POLR2B: variants seen among roughly 807,000 people sequenced by gnomAD.
The protein encoded by POLR2B is DNA-directed RNA polymerase II subunit RPB2.
POLR2B carries 57 observed loss-of-function variants against 144.6 expected under a neutral mutation model. The ratio of observed to expected loss-of-function variants is 0.39; its 90% CI spans 0.32 to 0.49. The LOEUF (loss-of-function observed/expected upper bound fraction) is 0.49, where lower values mean the gene tolerates loss of function less well. POLR2B is among the 20% of genes least tolerant of loss of function. The pLI, the probability that POLR2B is intolerant of heterozygous loss-of-function variation, is 0.83. For missense variants in POLR2B, 595 were observed against 1,467.4 expected, an observed-to-expected ratio of 0.41 and a Z score of 9.71; for synonymous variants, 442 against 469.8, an observed-to-expected ratio of 0.94 and a Z score of 0.77.
chr4:57,028,334 G>T (rs565841542), intron 23 of POLR2B, among the ~76,000 whole-genome samples: 1 of 152,088 alleles, frequency 6.6e-6, no homozygotes, highest in African/African-American at 2.4e-5. Flanking sequence ...GGGTCTTACT[G>T]TGTTGCTCTG....
chr4:56,980,066 G>GA (rs1722108315), intron 1 of POLR2B, among the ~76,000 whole-genome samples: 1 of 150,436 alleles, frequency 6.6e-6, no homozygotes, highest in Non-Finnish European at 1.5e-5. Flanking sequence ...AAATCAGATG[G>GA]AAAAAATTGA....
chr4:56,986,768 T>C (rs1228322355), intron 2 of POLR2B: 7 of 169,818 alleles, frequency 4.1e-5, no homozygotes, highest in Non-Finnish European at 8.7e-5. Context: ...CACTCCAGTC[T>C]TGGTGATAGA....
chr4:57,007,022 C>A lies in POLR2B; in HGVS notation c.1404+20C>A, dbSNP rs1256128020. ...TCTCAGGTAAGTGTGCCAACTATGA[C>A]TACAGGCTCAATAGGAAACATGTTT... On this transcript the variant is annotated intron_variant, in intron 10 of 24. Coordinates refer to ENST00000314595, the MANE Select transcript of POLR2B (RefSeq NM_000938.3). 4.5e-6 allele frequency: 7 copies of A among 1,542,068 alleles called. No individual in the cohort carries two copies. The highest frequency in any genetic ancestry group is 3.6e-6 in the Non-Finnish European group (4 of 1,120,984).
Position 56,988,889 on chromosome 4 carries a change from C to G in POLR2B, c.93-1859C>G, listed in dbSNP as rs1039226856. ...ATCTTAGGTGAAAAGAAGTTGTTTT[C>G]AACATATGTGGTAGATTGCTCAAGG... On this transcript the variant is annotated intron_variant, in intron 2 of 24. Coordinates refer to ENST00000314595, the MANE Select transcript of POLR2B (RefSeq NM_000938.3). Among the ~76,000 whole-genome samples, 3 of 152,228 alleles carry G rather than the reference C, an allele frequency of 2.0e-5. No homozygotes were observed. In the East Asian group the frequency reaches 5.8e-4, roughly 29 times the overall value.
At chr4:56,996,677 C>T (rs770452645) in intron 6 of POLR2B, among the ~76,000 whole-genome samples, 1 of 152,086 alleles carries the variant, frequency 6.6e-6, no homozygotes, top group Non-Finnish European at 1.5e-5. Flanking sequence ...GGGTACTTAG[C>T]ATACCTGTCA....
chr4:57,000,223 T>G (rs1419335480), intron 7 of POLR2B, among the ~76,000 whole-genome samples: 1 of 152,102 alleles, frequency 6.6e-6, no homozygotes, highest in Non-Finnish European at 1.5e-5. Context: ...ATCACTTGAG[T>G]CCACAAGACC....
At chr4:57,008,124 A>T (rs1723078451) in intron 10 of POLR2B, among the ~76,000 whole-genome samples, 1 of 152,142 alleles carries the variant, frequency 6.6e-6, no homozygotes, top group African/African-American at 2.4e-5. Context: ...AGCAGAGGAA[A>T]CAGATTCATT....
intron 6 of POLR2B, 132 bp downstream of exon 6, chr4:56,995,541 C>T (rs1229750415): frequency 1.5e-5 from 8 of 532,530 alleles, no homozygotes; most frequent in East Asian, 1.2e-4. Context: ...GTTTACCTAT[C>T]GCTGTGTAAC....
Position 57,031,115 on chromosome 4 carries a change from A to G in POLR2B, c.*127A>G. The stretch of plus-strand genomic sequence containing the variant: ...GTATTTTATTTGTTTAATGATATGC[A>G]TGCTTTTCTTCTGTAAATATATAAT... On this transcript the variant is annotated 3_prime_UTR_variant, in exon 25 of 25. Transcript: ENST00000314595. 1 of 723,754 alleles carries G rather than the reference A, an allele frequency of 1.4e-6. No homozygotes were observed. The highest frequency in any genetic ancestry group is 2.4e-6 in the Non-Finnish European group (1 of 417,490). The allele number at this position is 723,754 out of a possible 1,614,324, so 44.8% of individuals were successfully genotyped here. A position where few individuals can be genotyped will look rare whatever the true frequency, so the allele number is the denominator to read the frequency against.
chr4:57,011,209 T>C, intron 13 of POLR2B, 109 bp downstream of exon 13: 1 of 737,100 alleles, frequency 1.4e-6, no homozygotes, highest in Non-Finnish European at 2.4e-6. Context: ...TTTATTCCCT[T>C]GAACTGTAAA....
intron 6 of POLR2B, among the ~76,000 whole-genome samples, chr4:56,999,115 C>T (rs1283678860): frequency 6.6e-6 from 1 of 151,952 alleles, no homozygotes; most frequent in Admixed American, 6.6e-5. Flanking sequence ...TTTTGAAACA[C>T]TGAGACAAGG....
intron 16 of POLR2B, 73 bp from the exon 17 acceptor site, chr4:57,020,826 G>A: frequency 2.4e-6 from 2 of 838,634 alleles, no homozygotes; most frequent in Non-Finnish European, 4.2e-6. Flanking sequence ...TGTAATTAAA[G>A]TTGATTTAAA....
chr4:56,979,389 C>T (rs1231384381), intron 1 of POLR2B, among the ~76,000 whole-genome samples: 5 of 138,706 alleles, frequency 3.6e-5, no homozygotes. Flanking sequence ...TGAGTGTCAG[C>T]CTGTGTCAGG....
In POLR2B at chr4:57,021,001, T is replaced by C; in HGVS notation, c.2420+6T>C. On this transcript the variant is annotated splice_donor_region_variant and intron_variant, in intron 17 of 24. Transcript: ENST00000314595. ...GTAGACCGCGGCTTCTTCAGGTTAG[T>C]ATTTTGTAAATTTGTCAAAACACAG... is the stretch of plus-strand genomic sequence containing the variant. 1 of 1,503,980 alleles carries C rather than the reference T, an allele frequency of 6.6e-7. No homozygotes were observed. The highest frequency in any genetic ancestry group is 9.3e-7 in the Non-Finnish European group (1 of 1,080,424). 93.2% of individuals were successfully genotyped at this position (1,503,980 alleles called of 1,614,324 possible). A position where few individuals can be genotyped will look rare whatever the true frequency, so the allele number is the denominator to read the frequency against.
intron 7 of POLR2B, among the ~76,000 whole-genome samples, 191 bp from the exon 8 acceptor site, chr4:57,005,055 G>T (rs1461908034): frequency 6.6e-6 from 1 of 152,112 alleles, no homozygotes; most frequent in Non-Finnish European, 1.5e-5. Flanking sequence ...CTGATGAGTG[G>T]TTTTTGTCAG....
In POLR2B at chr4:57,004,525, C is replaced by G. The variant is rs74691265; in HGVS notation, c.901-721C>G. Reference sequence around the variant, plus strand: ...AGGATTATAGGAGTAAGCCCCACCCCACGCAGGCCAAACATTTTTTAATAC... The same window carrying G: ...AGGATTATAGGAGTAAGCCCCACCCGACGCAGGCCAAACATTTTTTAATAC... On this transcript the variant is annotated intron_variant, in intron 7 of 24. Transcript: ENST00000314595. Among the ~76,000 whole-genome samples, 579 of 152,238 alleles carry G rather than the reference C, an allele frequency of 3.8e-3. 2 individuals are homozygous for G. Among genetic ancestry groups the G allele is most frequent in the African/African-American group, 0.013 (558 of 41,520 alleles).
chr4:56,995,323 T>C lies in POLR2B; in HGVS notation c.649T>C (p.Tyr217His). 6.2e-7 allele frequency: 1 copy of C among 1,612,314 alleles called. No homozygotes were observed. The highest frequency in any genetic ancestry group is 8.5e-7 in the Non-Finnish European group (1 of 1,178,384). ...TGCCAAAAAGGATTCTAAATATGCC[T>C]ACACAGGAGAGTGTAGATCATGTCT... Reference protein sequence around the residue: ...VFAKKDSKYAYTGECRSCLEN... With the variant: ...VFAKKDSKYAHTGECRSCLEN... The change falls in exon 6 of 25, where the codon TAC becomes CAC. Residue 217 changes from tyrosine to histidine, a missense_variant. Physicochemically the swap from Tyr to His is moderately conservative, Grantham distance 83 (BLOSUM62 2). Transcript: ENST00000314595.
chr4:56,991,737 A>G lies in POLR2B; in HGVS notation c.243+839A>G, dbSNP rs532217314. On this transcript the variant is annotated intron_variant, in intron 3 of 24. Coordinates refer to ENST00000314595, the MANE Select transcript of POLR2B (RefSeq NM_000938.3). ...TGGCTCTTCTAGGGCTGTGCTGGAA[A>G]GGGGGACATTAAGTTTCTTTTTTAT... Among the ~76,000 whole-genome samples, 32 of 152,304 alleles carry G rather than the reference A, an allele frequency of 2.1e-4. No individual in the cohort carries two copies. In the South Asian group the frequency reaches 3.1e-3, roughly 15 times the overall value.
chr4:57,017,971 A>G lies in POLR2B; in HGVS notation c.2323+243A>G, dbSNP rs912823623. On this transcript the variant is annotated intron_variant, in intron 16 of 24. Transcript: ENST00000314595. The surrounding 1 kb of genome is among the most constrained non-coding windows in gnomAD (Gnocchi z 4.8). ...TAATTCCTGTTGGAAGTCTAGATCC[A>G]GTTTCATGGAGAAGGTGGCATTTTA... Among the ~76,000 whole-genome samples the G allele has an allele frequency of 3.9e-5, 6 of 152,192 alleles. No individual in the cohort carries two copies. Among genetic ancestry groups the G allele is most frequent in the Non-Finnish European group, 5.9e-5 (4 of 68,034 alleles).
Sources: gnomAD v4.1 joint callset for allele counts (sites outside exome capture counted in the v4.1 genomes callset) on GRCh38, gnomAD v4.1.1 for gene constraint, Gnocchi (gnomAD v3.1) non-coding constraint, MANE v1.5 for transcripts, NCBI Gene and HGNC (gene_info 2026-07-23, HGNC 2026-07-21) for gene names.